The following PPFIA2 variants were observed in gnomAD, a reference collection of about 807,000 sequenced individuals.
PPFIA2 encodes the protein PPFI scaffold protein A2.
A neutral mutation model predicts 175.5 loss-of-function variants in PPFIA2; 46 were observed. The observed-to-expected ratio is 0.26, with a 90% CI of 0.21 to 0.34. The LOEUF (loss-of-function observed/expected upper bound fraction) is 0.34, where lower values mean the gene tolerates loss of function less well. Ranked by LOEUF, PPFIA2 falls within the 10% of genes least tolerant of loss-of-function variation. The probability of loss-of-function intolerance (pLI) is 1.00; values close to 1 mark genes in which losing one functional copy is unlikely to be tolerated. For synonymous variants in PPFIA2, 568 were observed against 511.4 expected (o/e 1.11, Z -1.49); for missense variants, 1,179 against 1,506.1 (o/e 0.78, Z 3.60).
At chr12:81,598,055 A>C (rs1406659782) in intron 4 of PPFIA2, 1 of 1,534,556 alleles carries the variant, frequency 6.5e-7, no homozygotes, top group East Asian at 2.4e-5. Context: ...AGACAATATA[A>C]TCCACAAGGA....
intron 4 of PPFIA2, among the ~76,000 whole-genome samples, chr12:81,488,916 C>A (rs535868436): frequency 2.6e-5 from 4 of 151,748 alleles, no homozygotes; most frequent in African/African-American, 4.8e-5. Flanking sequence ...GAATAAGCTA[C>A]CTAATGGAAT....
At chr12:81,419,043 A>G (rs1402662058) in intron 7 of PPFIA2, among the ~76,000 whole-genome samples, 1 of 152,154 alleles carries the variant, frequency 6.6e-6, no homozygotes, top group East Asian at 1.9e-4. Context: ...CACCGAATTT[A>G]TCAGTATATA....
intron 24 of PPFIA2, 98 bp downstream of exon 24, chr12:81,294,737 G>A (rs2046070142): frequency 9.1e-7 from 1 of 1,099,272 alleles, no homozygotes; most frequent in Non-Finnish European, 1.4e-6. Flanking sequence ...AATTCAAGCT[G>A]ACATTGAAAT....
chr12:81,341,069 G>C lies in PPFIA2; in HGVS notation c.2393+9C>G, dbSNP rs1196003055. On this transcript the variant is annotated intron_variant, in intron 20 of 32. Coordinates refer to ENST00000549396, the MANE Select transcript of PPFIA2 (RefSeq NM_003625.5). ...GCATTCAGTGTGCAGTGTGCCTGCA[G>C]AGTCTTACCTTCGAGCATCATTGTG... is the stretch of plus-strand genomic sequence containing the variant. 3.1e-6 allele frequency: 5 copies of C among 1,606,864 alleles called. No individual in the cohort carries two copies. Among genetic ancestry groups the C allele is most frequent in the Middle Eastern group, 1.7e-4 (1 of 6,018 alleles).
At chr12:81,353,083 T>C in intron 17 of PPFIA2, 36 bp downstream of exon 17, 2 of 1,574,818 alleles carry the variant, frequency 1.3e-6, no homozygotes, top group Non-Finnish European at 1.7e-6. Context: ...CAAGGTCTTC[T>C]AATTTCTTGA....
chr12:81,679,581 G>A lies in PPFIA2; in HGVS notation c.250-2737C>T, dbSNP rs80172962. Reference sequence around the variant, plus strand: ...AAGAATGTAGAAGATGAATGAAAAGGGCAATAAATTTTGTAGTTTTTAACA... The same window carrying A: ...AAGAATGTAGAAGATGAATGAAAAGAGCAATAAATTTTGTAGTTTTTAACA... On this transcript the variant is annotated intron_variant, in intron 3 of 32. Transcript: ENST00000549396. 7.4e-3 allele frequency among the ~76,000 whole-genome samples: 1,117 copies of A among 151,882 alleles called. 19 individuals are homozygous for A. The highest frequency in any genetic ancestry group is 0.026 in the African/African-American group (1,061 of 41,496).
chr12:81,438,663 T>C (rs780342492), intron 7 of PPFIA2, among the ~76,000 whole-genome samples: 6 of 152,154 alleles, frequency 3.9e-5, no homozygotes, highest in Non-Finnish European at 8.8e-5. Context: ...TAAATCTATT[T>C]ATATTTACTT....
At chr12:81,380,613 T>G (rs1166918985) in intron 9 of PPFIA2, among the ~76,000 whole-genome samples, 1 of 152,174 alleles carries the variant, frequency 6.6e-6, no homozygotes, top group East Asian at 1.9e-4. Context: ...TTGCTATCAC[T>G]GAATTATTTA....
intron 3 of PPFIA2, among the ~76,000 whole-genome samples, chr12:81,743,387 G>A (rs1253100110): frequency 4.3e-5 from 5 of 115,988 alleles, no homozygotes; most frequent in African/African-American, 6.4e-5. Context: ...ACTGCACTCC[G>A]GGCCACAGAG....
At chr12:81,285,038 G>A (rs1032640722) in intron 24 of PPFIA2, among the ~76,000 whole-genome samples, 1 of 152,108 alleles carries the variant, frequency 6.6e-6, no homozygotes, top group Non-Finnish European at 1.5e-5. Context: ...AGAACATAGT[G>A]TAAAATAATT....
At chr12:81,653,529 T>C (rs1249903639) in intron 4 of PPFIA2, among the ~76,000 whole-genome samples, 1 of 152,084 alleles carries the variant, frequency 6.6e-6, no homozygotes. Flanking sequence ...TGGCATTCCA[T>C]AGATTGTAGA....
At chr12:81,613,718 T>C (rs1288203622) in intron 4 of PPFIA2, among the ~76,000 whole-genome samples, 1 of 152,156 alleles carries the variant, frequency 6.6e-6, no homozygotes, top group Non-Finnish European at 1.5e-5. Context: ...ATGGAACTTC[T>C]AGTGTATCAC....
chr12:81,331,723 G>A lies in PPFIA2; in HGVS notation c.2549-5853C>T, dbSNP rs1354177062. On this transcript the variant is annotated intron_variant, in intron 21 of 32. Coordinates refer to ENST00000549396, the MANE Select transcript of PPFIA2 (RefSeq NM_003625.5). ...GGAATTCTGCTTATTCATAGTTAAC[G>A]TGCTTTTCTGTTTTCATTATTTTTT... Among the ~76,000 whole-genome samples, 6 of 152,042 alleles carry A rather than the reference G, an allele frequency of 3.9e-5. No homozygotes were observed. In the East Asian group the frequency reaches 5.8e-4, roughly 15 times the overall value.
In PPFIA2 at chr12:81,335,559, C is replaced by T. The variant is rs532771555; in HGVS notation, c.2548+3621G>A. 3.9e-5 allele frequency among the ~76,000 whole-genome samples: 6 copies of T among 152,188 alleles called. No homozygotes were observed. The East Asian group carries it at 1.2e-3, about 29-fold the overall frequency. The stretch of plus-strand genomic sequence containing the variant: ...GGAGTTAAGAGACCAGCCTGGCCAA[C>T]ATGGTGAAACCCCATCTCTACTGTA... On this transcript the variant is annotated intron_variant, in intron 21 of 32. Coordinates refer to ENST00000549396, the MANE Select transcript of PPFIA2 (RefSeq NM_003625.5).
intron 6 of PPFIA2, among the ~76,000 whole-genome samples, chr12:81,441,986 G>C (rs2050258420): frequency 6.6e-6 from 1 of 152,042 alleles, no homozygotes; most frequent in Admixed American, 6.6e-5. Flanking sequence ...AGAAATGGTT[G>C]AATCTAGGCT....
intron 14 of PPFIA2, among the ~76,000 whole-genome samples, chr12:81,366,289 A>T (rs1022647575): frequency 6.6e-6 from 1 of 151,572 alleles, no homozygotes; most frequent in Admixed American, 6.6e-5. Flanking sequence ...AAAATTTCAC[A>T]ATCTGCCCTT....
Position 81,439,981 on chromosome 12 carries a change from A to C in PPFIA2, c.636T>G (p.Ala212=). 3 of 1,607,978 alleles carry C rather than the reference A, an allele frequency of 1.9e-6. No individual in the cohort carries two copies. The highest frequency in any genetic ancestry group is 1.1e-5 in the South Asian group (1 of 89,904). The change falls in exon 7 of 33, where the codon GCT becomes GCG. Residue 212 remains alanine (A), a synonymous_variant. Transcript: ENST00000549396. ...VSALEEELAA[A]NQEIVALREQ... is the part of the protein sequence containing the mutation. ...AAGTGTGGCAGGTTACCTCCTGATT[A>C]GCAGCAGCTAGTTCTTCTTCCAGTG...
At chr12:81,524,447 T>C (rs1303506692) in intron 4 of PPFIA2, among the ~76,000 whole-genome samples, 1 of 152,240 alleles carries the variant, frequency 6.6e-6, no homozygotes, top group African/African-American at 2.4e-5. Context: ...CATTTATGTT[T>C]TGGACTTGTT....
chr12:81,600,834 T>C (rs2059715840), intron 4 of PPFIA2, among the ~76,000 whole-genome samples: 1 of 151,976 alleles, frequency 6.6e-6, no homozygotes, highest in African/African-American at 2.4e-5. Flanking sequence ...GAAAAAAGAA[T>C]GTTTGTCAAA....
Sources: gnomAD v4.1 joint callset for allele counts (sites outside exome capture counted in the v4.1 genomes callset) on GRCh38, gnomAD v4.1.1 for gene constraint, MANE v1.5 for transcripts, NCBI Gene and HGNC (gene_info 2026-07-23, HGNC 2026-07-21) for gene names.